The following ATXN7L1 variants were observed in gnomAD, a reference collection of about 807,000 sequenced individuals.
The protein encoded by ATXN7L1 is ataxin-7-like protein 1.
In ATXN7L1, 15 loss-of-function variants were observed where a neutral mutation model predicts 70.8. The ratio of observed to expected loss-of-function variants is 0.21; its 90% CI spans 0.14 to 0.33. The LOEUF is 0.33. ATXN7L1 is among the 10% of genes least tolerant of loss of function. The probability of loss-of-function intolerance (pLI) is 1.00; values close to 1 mark genes in which losing one functional copy is unlikely to be tolerated. For missense variants in ATXN7L1, 975 were observed against 1,097.1 expected, an observed-to-expected ratio of 0.89 and a Z score of 1.57; for synonymous variants, 440 against 445.1, an observed-to-expected ratio of 0.99 and a Z score of 0.14.
intron 4 of ATXN7L1, among the ~76,000 whole-genome samples, chr7:105,659,136 C>CA (rs113609309): frequency 0.11 from 16,326 of 149,788 alleles, 1,661 homozygotes; most frequent in African/African-American, 0.27. Flanking sequence ...GACTCCGACT[C>CA]AAAAAAAAAA....
chr7:105,723,682 C>T (rs1038410565), intron 3 of ATXN7L1, among the ~76,000 whole-genome samples: 1 of 152,210 alleles, frequency 6.6e-6, no homozygotes, highest in African/African-American at 2.4e-5. Flanking sequence ...CACACCAAGA[C>T]AGCACCACAG....
intron 4 of ATXN7L1, among the ~76,000 whole-genome samples, chr7:105,646,261 G>C (rs769916778): frequency 6.6e-6 from 1 of 152,082 alleles, no homozygotes; most frequent in South Asian, 2.1e-4. Context: ...AGTGAGCTAG[G>C]ATCATGCTAT....
intron 3 of ATXN7L1, among the ~76,000 whole-genome samples, chr7:105,730,362 C>T (rs1796393753): frequency 6.6e-6 from 1 of 152,068 alleles, no homozygotes; most frequent in Non-Finnish European, 1.5e-5. Flanking sequence ...CTATAATAGG[C>T]CTGACCAGAA....
At chr7:105,657,902 G>A (rs1800934163) in intron 4 of ATXN7L1, among the ~76,000 whole-genome samples, 1 of 152,040 alleles carries the variant, frequency 6.6e-6, no homozygotes, top group Middle Eastern at 3.4e-3. Context: ...TAGTTTTTAT[G>A]AAACCTAAAA....
chr7:105,743,838 G>A (rs908061532), intron 3 of ATXN7L1, among the ~76,000 whole-genome samples: 1 of 152,188 alleles, frequency 6.6e-6, no homozygotes, highest in Non-Finnish European at 1.5e-5. Flanking sequence ...ATTGGTCTTT[G>A]CATCTGCGAA....
rs573935124 is a variant in ATXN7L1, at chr7:105,715,976, C to T, written c.356-50688G>A. ...TTCAGGTATAGGCAAAGAAAAGGAA[C>T]CCCTACCCTCCAAAAAAAGCTGGGG... On this transcript the variant is annotated intron_variant, in intron 3 of 11. Coordinates refer to ENST00000419735, the MANE Select transcript of ATXN7L1 (RefSeq NM_020725.2). Among the ~76,000 whole-genome samples, 12 of 152,166 alleles carry T rather than the reference C, an allele frequency of 7.9e-5. 1 individual carries two copies. In the South Asian group the frequency reaches 2.5e-3, roughly 32 times the overall value.
chr7:105,633,254 A>G (rs1301409378), intron 7 of ATXN7L1, among the ~76,000 whole-genome samples: 2 of 152,208 alleles, frequency 1.3e-5, no homozygotes, highest in Non-Finnish European at 2.9e-5. Flanking sequence ...GAGGTACTTC[A>G]TCAAAATTTA....
intron 4 of ATXN7L1, among the ~76,000 whole-genome samples, chr7:105,647,388 C>A (rs1384653986): frequency 6.6e-6 from 1 of 152,210 alleles, no homozygotes; most frequent in Non-Finnish European, 1.5e-5. Context: ...TGACTCACGC[C>A]AGTAATCCCA....
In ATXN7L1 at chr7:105,738,363, C is replaced by T. The variant is rs1429484773; in HGVS notation, c.355+50241G>A. Among the ~76,000 whole-genome samples, 5 of 152,178 alleles carry T rather than the reference C, an allele frequency of 3.3e-5. No individual in the cohort carries two copies. In the East Asian group the frequency reaches 9.6e-4, roughly 29 times the overall value. ...CATGTTGCTCCCACCACCAGGAGTGCCCTTTCTCCACTTCTGAATATCAAA... is the reference window on the plus strand; with the variant it reads ...CATGTTGCTCCCACCACCAGGAGTGTCCTTTCTCCACTTCTGAATATCAAA... On this transcript the variant is annotated intron_variant, in intron 3 of 11. Coordinates refer to ENST00000419735, the MANE Select transcript of ATXN7L1 (RefSeq NM_020725.2).
At chr7:105,771,634 T>C (rs1204376) in intron 3 of ATXN7L1, among the ~76,000 whole-genome samples, 93,449 of 152,052 alleles carry the variant, frequency 0.61, 30,614 homozygotes, top group African/African-American at 0.84. Flanking sequence ...TATGAATTAG[T>C]AGGCTGAGAA....
chr7:105,754,480 C>T (rs1799569704), intron 3 of ATXN7L1, among the ~76,000 whole-genome samples: 1 of 151,910 alleles, frequency 6.6e-6, no homozygotes, highest in Non-Finnish European at 1.5e-5. Context: ...TCACCGTGGT[C>T]TACATCGTGC....
At chr7:105,645,107 G>A (rs1042879192) in intron 4 of ATXN7L1, among the ~76,000 whole-genome samples, 1 of 151,648 alleles carries the variant, frequency 6.6e-6, no homozygotes, top group Admixed American at 6.6e-5. Context: ...AGAATGGGCA[G>A]TTTTTTTTAA....
intron 2 of ATXN7L1, among the ~76,000 whole-genome samples, chr7:105,816,681 T>C (rs1446311633): frequency 6.6e-6 from 1 of 152,214 alleles, no homozygotes; most frequent in Non-Finnish European, 1.5e-5. Flanking sequence ...GTGGGAAATG[T>C]GTGTGCTGTC....
rs978200880 is a variant in ATXN7L1, at chr7:105,861,347, C to T, written c.250+14465G>A. Reference sequence around the variant, plus strand: ...AAGTGGTGTGCAGGGAAGATACAGACAGGAAGACCAATTAAATAGCTATTA... The same window carrying T: ...AAGTGGTGTGCAGGGAAGATACAGATAGGAAGACCAATTAAATAGCTATTA... On this transcript the variant is annotated intron_variant, in intron 2 of 11. Coordinates refer to ENST00000419735, the MANE Select transcript of ATXN7L1 (RefSeq NM_020725.2). Among the ~76,000 whole-genome samples the T allele has an allele frequency of 3.3e-5, 5 of 151,864 alleles. No individual in the cohort carries two copies. The South Asian group carries it at 1.0e-3, about 32-fold the overall frequency.
At chr7:105,778,410 C>G (rs1803041337) in intron 3 of ATXN7L1, among the ~76,000 whole-genome samples, 2 of 145,754 alleles carry the variant, frequency 1.4e-5, no homozygotes, top group South Asian at 4.5e-4. Flanking sequence ...ACTCGGGAGG[C>G]TAAGGTGGGA....
At chr7:105,698,045 A>T (rs1395287842) in intron 3 of ATXN7L1, among the ~76,000 whole-genome samples, 2 of 152,174 alleles carry the variant, frequency 1.3e-5, no homozygotes, top group Non-Finnish European at 2.9e-5. Context: ...ATGGAGACTG[A>T]GCTTTTGGGA....
chr7:105,776,844 A>G (rs935006639), intron 3 of ATXN7L1, among the ~76,000 whole-genome samples: 1 of 152,034 alleles, frequency 6.6e-6, no homozygotes, highest in Non-Finnish European at 1.5e-5. Flanking sequence ...ATCTTGGCTC[A>G]CTGTAATCTC....
chr7:105,709,888 T>G (rs1406083430), intron 3 of ATXN7L1, among the ~76,000 whole-genome samples: 2 of 152,080 alleles, frequency 1.3e-5, no homozygotes, highest in East Asian at 3.8e-4. Context: ...TTTTTTTTTT[T>G]TTGATACAGA....
chr7:105,692,415 T>TTCCC (rs1379205062), intron 3 of ATXN7L1, among the ~76,000 whole-genome samples: 25 of 134,838 alleles, frequency 1.9e-4, no homozygotes, highest in African/African-American at 6.7e-4. Context: ...CCTTCCTTCC[T>TTCCC]TCCTTCCTTC....
Sources: gnomAD v4.1 joint callset for allele counts (sites outside exome capture counted in the v4.1 genomes callset) on GRCh38, gnomAD v4.1.1 for gene constraint, MANE v1.5 for transcripts, NCBI Gene and HGNC (gene_info 2026-07-23, HGNC 2026-07-21) for gene names.